Variants in SMURF1 observed in about 807,000 individuals in gnomAD.
SMURF1 encodes E3 ubiquitin-protein ligase SMURF1.
SMURF1 carries 44 observed loss-of-function variants against 98.0 expected under a neutral mutation model. That is an observed-to-expected ratio of 0.45 (90% CI 0.35 to 0.58). SMURF1 has a LOEUF of 0.58. Among genes scored for constraint, SMURF1 ranks in the 20% least tolerant of loss-of-function variants. The pLI, the probability that SMURF1 is intolerant of heterozygous loss-of-function variation, is 0.00. For missense variants in SMURF1, 687 were observed against 938.4 expected (o/e 0.73, Z 3.50); for synonymous variants, 396 against 374.9 (o/e 1.06, Z -0.65).
chr7:99,124,827 C>G (rs756639037), intron 1 of SMURF1, among the ~76,000 whole-genome samples: 11 of 152,202 alleles, frequency 7.2e-5, no homozygotes, highest in Non-Finnish European at 1.5e-4. Flanking sequence ...CTGAATGCCA[C>G]TGCGCTTTAT....
chr7:99,033,060 G>A lies in SMURF1; in HGVS notation c.2073C>T (p.Asp691=). 1 of 1,594,450 alleles carries A rather than the reference G, an allele frequency of 6.3e-7. No homozygotes were observed. Among genetic ancestry groups the A allele is most frequent in the Non-Finnish European group, 8.5e-7 (1 of 1,169,814 alleles). The change falls in exon 17 of 18, where the codon GAC becomes GAT. Residue 691 remains aspartate, a synonymous_variant. Transcript: ENST00000361368. ...FTIHLIDANT[D]NLPKAHTCFN... The stretch of plus-strand genomic sequence containing the variant: ...ACCAGGTATGGGCCTTCGGAAGGTT[G>A]TCTGTGTTCGCGTCTATCAGGTGGA...
chr7:99,081,695 C>T (rs1313977917), intron 1 of SMURF1, among the ~76,000 whole-genome samples: 1 of 152,246 alleles, frequency 6.6e-6, no homozygotes, highest in African/African-American at 2.4e-5. Context: ...CTCTGTCACC[C>T]AGGCTGGAGT....
chr7:99,039,175 C>A (rs1795269842), intron 13 of SMURF1, among the ~76,000 whole-genome samples: 1 of 107,648 alleles, frequency 9.3e-6, no homozygotes, highest in African/African-American at 3.8e-5. Context: ...GCCTGGGTGA[C>A]AGAGCAAGAC....
chr7:99,042,380 A>G (rs1795420437), intron 11 of SMURF1, 148 bp from the exon 12 acceptor site: 2 of 581,230 alleles, frequency 3.4e-6, no homozygotes, highest in Admixed American at 3.1e-5. Context: ...TCCTGGTCCA[A>G]GTGATTTTCC....
chr7:99,050,949 C>G, intron 8 of SMURF1: 1 of 1,550,784 alleles, frequency 6.4e-7, no homozygotes, highest in South Asian at 1.2e-5. Context: ...AGAAGGAATT[C>G]GTATAGAAAA....
chr7:99,115,053 A>G (rs982002853), intron 1 of SMURF1, among the ~76,000 whole-genome samples: 4 of 152,082 alleles, frequency 2.6e-5, no homozygotes, highest in Non-Finnish European at 5.9e-5. Context: ...CCTGAAATCA[A>G]TAACCTAAAC....
At chr7:99,076,267 GA>G (rs780931429) in intron 1 of SMURF1, among the ~76,000 whole-genome samples, 2 of 151,846 alleles carry the variant, frequency 1.3e-5, no homozygotes, top group Non-Finnish European at 2.9e-5. Context: ...TATGGAAAGA[GA>G]GGAAAAAAAA....
chr7:99,116,147 T>C (rs1487556786), intron 1 of SMURF1, among the ~76,000 whole-genome samples: 2 of 152,210 alleles, frequency 1.3e-5, no homozygotes, highest in Non-Finnish European at 2.9e-5. Flanking sequence ...TCAATCAATG[T>C]AATATGCCAT....
chr7:99,044,106 G>C (rs1241074875), intron 11 of SMURF1, among the ~76,000 whole-genome samples: 1 of 152,174 alleles, frequency 6.6e-6, no homozygotes, highest in Admixed American at 6.5e-5. Context: ...GAGGTCAGTA[G>C]TTCAACACCC....
intron 1 of SMURF1, among the ~76,000 whole-genome samples, chr7:99,131,466 T>G (rs531206344): frequency 4.0e-5 from 6 of 150,046 alleles, no homozygotes; most frequent in Non-Finnish European, 7.4e-5. Flanking sequence ...AGGAAATGGG[T>G]AGGTGGGTGG....
At chr7:99,116,766 A>G (rs775800007) in intron 1 of SMURF1, among the ~76,000 whole-genome samples, 6 of 152,226 alleles carry the variant, frequency 3.9e-5, no homozygotes, top group African/African-American at 7.2e-5. Context: ...TTAGATGACA[A>G]TATTCCTAAA....
Position 99,040,496 on chromosome 7 carries a change from G to A in SMURF1, c.1432C>T (p.His478Tyr), listed in dbSNP as rs912509725. Residue 478 changes from histidine to tyrosine, a missense_variant, in exon 13 of 18, where the codon CAC becomes TAC. This residue lies in a region of SMURF1 where 272 missense variants were observed against 430.0 expected (regional missense o/e 0.63). Transcript: ENST00000361368. ...ACTGTGAAGCCCCCGTTGATGTAGT[G>A]TCCATGGAACACAGCCAGCCCCATG... is the stretch of plus-strand genomic sequence containing the variant. ...RIMGLAVFHG[H>Y]YINGGFTVPF... The A allele has an allele frequency of 3.2e-6, 5 of 1,583,282 alleles. No individual in the cohort carries two copies. The highest frequency in any genetic ancestry group is 4.3e-6 in the Non-Finnish European group (5 of 1,164,692).
chr7:99,093,178 A>G (rs1039892433), intron 1 of SMURF1, among the ~76,000 whole-genome samples: 3 of 152,180 alleles, frequency 2.0e-5, no homozygotes, highest in African/African-American at 7.2e-5. Context: ...GCCACACACA[A>G]AAACACACAC....
At chr7:99,092,860 T>C (rs1394125945) in intron 1 of SMURF1, among the ~76,000 whole-genome samples, 2 of 152,186 alleles carry the variant, frequency 1.3e-5, no homozygotes, top group African/African-American at 4.8e-5. Flanking sequence ...AACTTGAGGA[T>C]CACAGGACCC....
chr7:99,094,213 GAAC>G (rs1454693031), intron 1 of SMURF1, among the ~76,000 whole-genome samples: 1 of 151,990 alleles, frequency 6.6e-6, no homozygotes, highest in African/African-American at 2.4e-5. Context: ...AAGTCAACAA[GAAC>G]AACGAATAGC....
In SMURF1 at chr7:99,133,064, A is replaced by G. The variant is rs372468869; in HGVS notation, c.55+10662T>C. On this transcript the variant is annotated intron_variant, in intron 1 of 17. Transcript: ENST00000361368. ...GGTCATCTTGATTGCAATGGTGGTG[A>G]TATGAATTTGTACATGGGATCAAAC... is the stretch of plus-strand genomic sequence containing the variant. Among the ~76,000 whole-genome samples the G allele has an allele frequency of 2.2e-4, 34 of 151,836 alleles. No homozygotes were observed. In the South Asian group the frequency reaches 7.1e-3, roughly 32 times the overall value.
chr7:99,098,013 C>T (rs1450681344), intron 1 of SMURF1, among the ~76,000 whole-genome samples: 1 of 152,144 alleles, frequency 6.6e-6, no homozygotes, highest in African/African-American at 2.4e-5. Context: ...TTTCAACAGA[C>T]AAAACCCAAG....
intron 1 of SMURF1, among the ~76,000 whole-genome samples, chr7:99,066,998 C>CTTT (rs376242285): frequency 8.2e-6 from 1 of 121,684 alleles, no homozygotes; most frequent in Admixed American, 8.2e-5. Context: ...ATTTTTTTTT[C>CTTT]TTTTTTTTTT....
intron 1 of SMURF1, among the ~76,000 whole-genome samples, chr7:99,130,903 T>C (rs1235432808): frequency 2.0e-5 from 3 of 152,158 alleles, no homozygotes; most frequent in South Asian, 2.1e-4. Context: ...GGTTCAGCAA[T>C]GAACACTTGA....
Sources: gnomAD v4.1 joint callset for allele counts (sites outside exome capture counted in the v4.1 genomes callset) on GRCh38, gnomAD v4.1.1 for gene constraint, gnomAD v4.1.1 regional missense constraint, MANE v1.5 for transcripts, NCBI Gene and HGNC (gene_info 2026-07-23, HGNC 2026-07-21) for gene names.